Variants in ZNF682 observed in about 807,000 individuals in gnomAD.
ZNF682 encodes the protein zinc finger protein 682.
Under a neutral mutation model 36.5 loss-of-function variants are expected in ZNF682, and 29 were observed. The ratio of observed to expected loss-of-function variants is 0.80; its 90% CI spans 0.59 to 1.08. ZNF682 has a LOEUF of 1.08. Among genes scored for constraint, ZNF682 ranks in the 50% least tolerant of loss-of-function variants. The probability of loss-of-function intolerance (pLI) is 0.00; values close to 1 mark genes in which losing one functional copy is unlikely to be tolerated. For synonymous variants in ZNF682, 180 were observed against 197.0 expected, an observed-to-expected ratio of 0.91 and a Z score of 0.72; for missense variants, 561 against 579.7, an observed-to-expected ratio of 0.97 and a Z score of 0.33.
chr19:20,007,093 A>C lies in ZNF682; in HGVS notation c.409T>G (p.Leu137Val). 6.2e-7 allele frequency: 1 copy of C among 1,613,640 alleles called. No individual in the cohort carries two copies. The highest frequency in any genetic ancestry group is 8.5e-7 in the Non-Finnish European group (1 of 1,179,990). The change falls in exon 4 of 4, where the codon TTG (leucine) becomes GTG (valine). Residue 137 changes from leucine (L) to valine (V), a missense_variant. Leu to Val is a conservative substitution (Grantham distance 32). Transcript: ENST00000397165. ...AAAATTTTGCTAGGTAGAGTTGACA[A>C]ACATTGGTTAAGTCCATTATAAATT... is the stretch of plus-strand genomic sequence containing the variant. ...KEIYNGLNQC[L>V]STLPSKIFPY...
chr19:20,017,521 CTG>C (rs1173772155), intron 3 of ZNF682, among the ~76,000 whole-genome samples: 3 of 152,074 alleles, frequency 2.0e-5, no homozygotes, highest in Non-Finnish European at 4.4e-5. Flanking sequence ...ACACATATAA[CTG>C]TTATATAACT....
Position 20,006,427 on chromosome 19 carries a change from G to A in ZNF682, c.1075C>T (p.His359Tyr), listed in dbSNP as rs780452702. 13 of 1,613,760 alleles carry A rather than the reference G, an allele frequency of 8.1e-6. No homozygotes were observed. The highest frequency in any genetic ancestry group is 1.1e-5 in the Non-Finnish European group (13 of 1,179,952). ...TTCTCTCCGCTATGAATTACCTTAT[G>A]TTCAGTAAGAATTGATGATGAGTTA... The part of the protein sequence containing the change: ...AFNSSSILTE[H>Y]KVIHSGEKPY... Residue 359 changes from histidine to tyrosine, a missense_variant, in exon 4 of 4, where the codon CAT (histidine) becomes TAT (tyrosine). Physicochemically the swap from His to Tyr is moderately conservative, Grantham distance 83. Coordinates refer to ENST00000397165, the MANE Select transcript of ZNF682 (RefSeq NM_033196.3).
At chr19:20,027,426 T>C (rs1250427714) in intron 1 of ZNF682, among the ~76,000 whole-genome samples, 1 of 152,162 alleles carries the variant, frequency 6.6e-6, no homozygotes, top group Non-Finnish European at 1.5e-5. Context: ...CCTGCTCCCA[T>C]GAAAACCAAG....
chr19:20,013,039 C>T (rs1171803513), intron 3 of ZNF682, among the ~76,000 whole-genome samples: 3 of 151,928 alleles, frequency 2.0e-5, no homozygotes, highest in Non-Finnish European at 4.4e-5. Context: ...GGTGTAAAAA[C>T]AAGATTCAAC....
intron 3 of ZNF682, among the ~76,000 whole-genome samples, chr19:20,019,456 A>G (rs1202676246): frequency 3.9e-5 from 6 of 152,212 alleles, no homozygotes; most frequent in Admixed American, 3.9e-4. Context: ...CACAGCAACA[A>G]AAGCAAATAT....
intron 1 of ZNF682, among the ~76,000 whole-genome samples, chr19:20,027,868 C>T (rs143073742): frequency 0.039 from 5,930 of 151,794 alleles, 301 homozygotes; most frequent in East Asian, 0.21. Context: ...GAGCCAAGAT[C>T]GCGCCACTGC....
chr19:20,015,058 C>T lies in ZNF682; in HGVS notation c.227-7783G>A, dbSNP rs1360804239. 8.1e-6 allele frequency: 3 copies of T among 370,030 alleles called. No individual in the cohort carries two copies. In the East Asian group the frequency reaches 5.0e-4, roughly 61 times the overall value. The allele number at this position is 370,030 out of a possible 1,614,324, so 22.9% of individuals were successfully genotyped here. On this transcript the variant is annotated intron_variant, in intron 3 of 3. Transcript: ENST00000397165. ...CACGACAATGTCAATATACCCAATA[C>T]AACAGAACTGTGTAACTGAAAATAT...
intron 1 of ZNF682, among the ~76,000 whole-genome samples, chr19:20,037,238 G>A (rs1303142018): frequency 3.9e-5 from 6 of 152,194 alleles, no homozygotes; most frequent in African/African-American, 1.2e-4. Context: ...AGGCAAACGA[G>A]GGAAAGTTGC....
chr19:20,037,119 A>G (rs1172795159), intron 1 of ZNF682, among the ~76,000 whole-genome samples: 1 of 152,240 alleles, frequency 6.6e-6, no homozygotes, highest in Non-Finnish European at 1.5e-5. Flanking sequence ...TTGCTTCTGC[A>G]AAAGGTAGGT....
At position 20,039,452 on chromosome 19, in the gene ZNF682, G is replaced by A. The variant is rs973698568; in HGVS notation, c.-107C>T. The A allele has an allele frequency of 2.2e-5, 33 of 1,484,346 alleles. No individual in the cohort carries two copies. Among genetic ancestry groups the A allele is most frequent in the Non-Finnish European group, 3.0e-5 (33 of 1,083,152 alleles). 91.9% of individuals were successfully genotyped at this position (1,484,346 alleles called of 1,614,324 possible). A position where few individuals can be genotyped will look rare whatever the true frequency, so the allele number is the denominator to read the frequency against. ...AGTCACCGGGAACTACTAGAGCAGA[G>A]GATACTAAGCAATGAAGATGGACCC... On this transcript the variant is annotated 5_prime_UTR_variant, in exon 1 of 4. Transcript: ENST00000397165.
downstream of ZNF682, among the ~76,000 whole-genome samples, chr19:20,001,750 T>C (rs559076659): frequency 6.6e-6 from 1 of 152,350 alleles, no homozygotes; most frequent in Admixed American, 6.5e-5. Flanking sequence ...CTTCTAACTC[T>C]GTGTTAACAG....
chr19:20,023,111 GA>G lies in ZNF682; in HGVS notation c.131-13del, dbSNP rs2088401632. ...AGAAACAGTAAGACCTGTTTTATTA[GA>G]AAAAAGTAATGTGATTCTTGCTGGG... is the stretch of plus-strand genomic sequence containing the variant. On this transcript the variant is annotated splice_polypyrimidine_tract_variant and intron_variant, in intron 2 of 3. Coordinates refer to ENST00000397165, the MANE Select transcript of ZNF682 (RefSeq NM_033196.3). 1 of 1,610,710 alleles carries G rather than the reference GA, an allele frequency of 6.2e-7. No individual in the cohort carries two copies. The highest frequency in any genetic ancestry group is 8.5e-7 in the Non-Finnish European group (1 of 1,177,656).
downstream of ZNF682, among the ~76,000 whole-genome samples, chr19:20,002,929 G>A (rs1159238393): frequency 2.6e-5 from 4 of 152,184 alleles, no homozygotes; most frequent in Admixed American, 2.6e-4. Context: ...AATGGCTCAC[G>A]CCTGTAATCC....
chr19:20,021,927 T>C (rs2088387361), intron 3 of ZNF682, among the ~76,000 whole-genome samples: 2 of 151,998 alleles, frequency 1.3e-5, no homozygotes, highest in South Asian at 4.1e-4. Flanking sequence ...TCCCAGCACT[T>C]TGGGAGACCG....
intron 3 of ZNF682, among the ~76,000 whole-genome samples, chr19:20,011,055 C>T (rs577687505): frequency 3.3e-5 from 5 of 151,886 alleles, no homozygotes; most frequent in Admixed American, 6.6e-5. Context: ...CTGCTGACTT[C>T]GAGAAACTCA....
intron 3 of ZNF682, among the ~76,000 whole-genome samples, chr19:19,998,195 C>G (rs796844600): frequency 6.6e-6 from 1 of 152,114 alleles, no homozygotes; most frequent in African/African-American, 2.4e-5. Flanking sequence ...AAAAGAGCAA[C>G]TGCTATAATA....
chr19:20,035,748 T>G (rs567512824), intron 1 of ZNF682, among the ~76,000 whole-genome samples: 1 of 152,020 alleles, frequency 6.6e-6, no homozygotes, highest in East Asian at 1.9e-4. Context: ...TTGTTTGTTT[T>G]TTTTTGAGAT....
chr19:20,025,077 A>G (rs1193227748), intron 1 of ZNF682, among the ~76,000 whole-genome samples: 3 of 152,212 alleles, frequency 2.0e-5, no homozygotes, highest in Non-Finnish European at 4.4e-5. Context: ...GTGAAGCCTG[A>G]GTTTCTGAAT....
At chr19:20,022,859 CT>C in intron 3 of ZNF682, 144 bp downstream of exon 3, 1 of 697,360 alleles carries the variant, frequency 1.4e-6, no homozygotes, top group Non-Finnish European at 2.5e-6. Flanking sequence ...GAAGATGCCT[CT>C]GTACAAGAGC....
Sources: gnomAD v4.1 joint callset for allele counts (sites outside exome capture counted in the v4.1 genomes callset) on GRCh38, gnomAD v4.1.1 for gene constraint, MANE v1.5 for transcripts, NCBI Gene and HGNC (gene_info 2026-07-23, HGNC 2026-07-21) for gene names.